The following CCDC57 variants were observed in gnomAD, a reference collection of about 807,000 sequenced individuals.
CCDC57 encodes coiled-coil domain containing 57.
In CCDC57, 118 loss-of-function variants were observed where a neutral mutation model predicts 118.9. The ratio of observed to expected loss-of-function variants is 0.99; its 90% CI spans 0.86 to 1.16. The LOEUF (loss-of-function observed/expected upper bound fraction) is 1.16. Among genes scored for constraint, CCDC57 ranks in the 50% most tolerant of loss-of-function variants. The pLI is 0.00. For missense variants in CCDC57, 1,300 were observed against 1,320.7 expected, an observed-to-expected ratio of 0.98 and a Z score of 0.24; for synonymous variants, 527 against 532.9, an observed-to-expected ratio of 0.99 and a Z score of 0.15.
intron 8 of CCDC57, 68 bp downstream of exon 7, chr17:82,188,151 G>T: frequency 7.3e-7 from 1 of 1,374,916 alleles, no homozygotes; most frequent in Non-Finnish European, 9.7e-7. Flanking sequence ...GGCACCAGTG[G>T]GCCCAGGTCA....
exon 18 of CCDC57, chr17:82,128,587 C>T (rs2037840840): frequency 1.9e-6 from 3 of 1,563,208 alleles, no homozygotes; most frequent in South Asian, 2.4e-5. Flanking sequence ...ATCCTCGGCA[C>T]TCTTGGCGTC....
chr17:82,152,748 A>G (rs1256404240), intron 15 of CCDC57, among the ~76,000 whole-genome samples: 1 of 152,126 alleles, frequency 6.6e-6, no homozygotes, highest in Non-Finnish European at 1.5e-5. Flanking sequence ...AGGCCAGCAC[A>G]CCCTGTCCCC....
intron 19 of CCDC57, among the ~76,000 whole-genome samples, chr17:82,126,008 C>T (rs2037377409): frequency 6.6e-6 from 1 of 152,176 alleles, no homozygotes; most frequent in Non-Finnish European, 1.5e-5. Context: ...TGGCCAGGCA[C>T]GGTGGCTCAC....
rs532874061 is a variant in CCDC57 at position 82,195,319 on chromosome 17, C to T, written c.562G>A (p.Glu188Lys). ...ATGTTGTCAGCCTGCAGACGGAATT[C>T]GTGCTCCCTCTTCCGCATTTTCGAT... Residue 188 changes from glutamate (E) to lysine (K), a missense_variant, in exon 5 of 20, where the codon GAA becomes AAA. Glu to Lys is a moderately conservative substitution (Grantham distance 56, BLOSUM62 1). Transcript: ENST00000665763. The T allele has an allele frequency of 1.5e-5, 24 of 1,602,038 alleles. No individual in the cohort carries two copies. In the East Asian group the frequency reaches 2.7e-4, roughly 18 times the overall value.
chr17:82,106,770 T>G (rs971287381), intron 19 of CCDC57, among the ~76,000 whole-genome samples: 1 of 152,196 alleles, frequency 6.6e-6, no homozygotes, highest in Non-Finnish European at 1.5e-5. Context: ...ACTCGTGGTC[T>G]CTGTTGGCAC....
exon 18 of CCDC57, chr17:82,128,543 G>C (rs1291124320): frequency 6.3e-7 from 1 of 1,575,560 alleles, no homozygotes; most frequent in South Asian, 1.2e-5. Context: ...GCTGAGCGGG[G>C]CTGGTGCTTT....
rs1384826919 is a variant in CCDC57, at chr17:82,118,853, T to C, written c.2899+8839A>G. On this transcript the variant is annotated intron_variant, in intron 19 of 19. Transcript: ENST00000665763. This position sits in a 1 kb window ranked among gnomAD's most constrained non-coding sequence, Gnocchi z 4.7. ...TGATTTCTTCACCCGTATCTAAGGT[T>C]AACCCTCTTCCGGCCATTTGTAAAT... Among the ~76,000 whole-genome samples the C allele has an allele frequency of 2.6e-5, 4 of 152,002 alleles. No homozygotes were observed. Among genetic ancestry groups the C allele is most frequent in the Admixed American group, 2.0e-4 (3 of 15,254 alleles).
rs1180326978 is a variant in CCDC57, at chr17:82,184,029, GCGCACACACACACACACA to G, written c.1053-115_1053-98del. The G allele has an allele frequency of 3.2e-4, 77 of 238,930 alleles. 1 individual carries two copies. The highest frequency in any genetic ancestry group is 2.7e-3 in the African/African-American group (66 of 24,086). 14.8% of individuals were successfully genotyped at this position (238,930 alleles called of 1,614,324 possible). A position where few individuals can be genotyped will look rare whatever the true frequency, so the allele number is the denominator to read the frequency against. ...AGCAAATACACATGCGCGCGCGCGC[GCGCACACACACACACACA>G]CACACACACACACACACACACACAC... On this transcript the variant is annotated intron_variant, in intron 8 of 19. Coordinates refer to ENST00000665763, the Ensembl canonical transcript of CCDC57.
intron 16 of CCDC57, among the ~76,000 whole-genome samples, chr17:82,146,923 G>A (rs1266829327): frequency 1.3e-5 from 2 of 152,188 alleles, no homozygotes; most frequent in East Asian, 1.9e-4. Flanking sequence ...ACAAATGCAC[G>A]TGCACACACA....
At chr17:82,105,535 C>T (rs142514465) in intron 19 of CCDC57, among the ~76,000 whole-genome samples, 40 of 152,238 alleles carry the variant, frequency 2.6e-4, no homozygotes, top group Admixed American at 5.2e-4. Flanking sequence ...CTGGGAGGCT[C>T]ACAGGCCACG....
chr17:82,126,547 C>T (rs1471022013), intron 19 of CCDC57: 39 of 985,094 alleles, frequency 4.0e-5, no homozygotes, highest in Middle Eastern at 5.2e-4. Context: ...TAAACACACA[C>T]GAAGATGCAC....
chr17:82,140,365 C>A (rs557157134), intron 16 of CCDC57, among the ~76,000 whole-genome samples: 1 of 151,810 alleles, frequency 6.6e-6, no homozygotes, highest in Admixed American at 6.6e-5. Context: ...GGATTACAGG[C>A]GTGAGCCACC....
At chr17:82,128,344 C>G in intron 18 of CCDC57, 149 bp downstream of exon 17, 1 of 630,788 alleles carries the variant, frequency 1.6e-6, no homozygotes, top group African/African-American at 1.9e-5. Flanking sequence ...CTGCAGCTCA[C>G]CCTGCCATTG....
intron 1 of CCDC57, among the ~76,000 whole-genome samples, chr17:82,209,202 G>A (rs2050001023): frequency 6.6e-6 from 1 of 152,082 alleles, no homozygotes; most frequent in Non-Finnish European, 1.5e-5. Context: ...GGAGAAGAGG[G>A]GCACCACTAC....
chr17:82,131,259 C>T (rs927780870), intron 17 of CCDC57, among the ~76,000 whole-genome samples: 1 of 149,496 alleles, frequency 6.7e-6, no homozygotes, highest in Non-Finnish European at 1.5e-5. Flanking sequence ...GGCAAAACCT[C>T]GTCTCTATCA....
Position 82,118,462 on chromosome 17 carries a change from C to T in CCDC57, c.2899+9230G>A, listed in dbSNP as rs1453808328. Among the ~76,000 whole-genome samples the T allele has an allele frequency of 6.6e-6, 1 of 152,180 alleles. No homozygotes were observed. Among genetic ancestry groups the T allele is most frequent in the Non-Finnish European group, 1.5e-5 (1 of 68,040 alleles). On this transcript the variant is annotated intron_variant, in intron 19 of 19. Coordinates refer to ENST00000665763, the Ensembl canonical transcript of CCDC57. The surrounding 1 kb of genome is among the most constrained non-coding windows in gnomAD (Gnocchi z 4.7). ...GAACATCCTTTGCCCCAGCGAGGTG[C>T]GAGGTGCTCCGGAACTTGCGGGGCT...
chr17:82,182,190 A>G (rs1339114374), intron 9 of CCDC57, among the ~76,000 whole-genome samples: 1 of 151,484 alleles, frequency 6.6e-6, no homozygotes, highest in Non-Finnish European at 1.5e-5. Flanking sequence ...TCATATTATG[A>G]GGGTTTTCTA....
At chr17:82,161,284 A>G (rs2043298229) in intron 14 of CCDC57, among the ~76,000 whole-genome samples, 2 of 152,164 alleles carry the variant, frequency 1.3e-5, no homozygotes, top group South Asian at 4.1e-4. Context: ...TGGGGAAAAC[A>G]GTGCGGTGGC....
At chr17:82,116,112 T>C (rs1458291117) in intron 19 of CCDC57, among the ~76,000 whole-genome samples, 1 of 150,800 alleles carries the variant, frequency 6.6e-6, no homozygotes, top group Non-Finnish European at 1.5e-5. Flanking sequence ...CTTTTTTTTT[T>C]TTTTTTTTTA....
Sources: allele counts gnomAD v4.1 joint callset (sites outside exome capture counted in the v4.1 genomes callset), GRCh38; gene constraint gnomAD v4.1.1; non-coding constraint Gnocchi (gnomAD v3.1); transcripts MANE v1.5; gene names NCBI Gene and HGNC (gene_info 2026-07-23, HGNC 2026-07-21).